Variants in SGF29 observed in about 807,000 individuals in gnomAD.
The protein encoded by SGF29 is SAGA-associated factor 29.
Under a neutral mutation model 38.1 loss-of-function variants are expected in SGF29, and 15 were observed. The ratio of observed to expected loss-of-function variants is 0.39; its 90% CI spans 0.26 to 0.61. The LOEUF (loss-of-function observed/expected upper bound fraction) is 0.61, where lower values mean the gene tolerates loss of function less well. Among genes scored for constraint, SGF29 ranks in the 20% least tolerant of loss-of-function variants. The pLI is 0.49. For synonymous variants in SGF29, 151 were observed against 160.8 expected (o/e 0.94, Z 0.46); for missense variants, 184 against 394.6 (o/e 0.47, Z 4.52).
At chr16:28,573,513 G>A (rs1272279202) in intron 1 of SGF29, among the ~76,000 whole-genome samples, 2 of 152,168 alleles carry the variant, frequency 1.3e-5, no homozygotes, top group African/African-American at 4.8e-5. Context: ...AAGAAGTTTT[G>A]CCGTGAAGAG....
At position 28,585,729 on chromosome 16, in the gene SGF29, C is replaced by T. The variant is rs761679781; in HGVS notation, c.224+9C>T. The T allele has an allele frequency of 5.0e-6, 8 of 1,613,260 alleles. No individual in the cohort carries two copies. The highest frequency in any genetic ancestry group is 1.1e-5 in the South Asian group (1 of 91,070). ...GCAGAGGCTGAGTGCAAGTGAGTAC[C>T]GTGCACCCACTTCATCGCCGCTCCC... On this transcript the variant is annotated intron_variant, in intron 4 of 9. Transcript: ENST00000317058.
chr16:28,586,040 G>A (rs1414858001), intron 4 of SGF29, among the ~76,000 whole-genome samples: 1 of 152,220 alleles, frequency 6.6e-6, no homozygotes, highest in Non-Finnish European at 1.5e-5. Context: ...ACATTACAGA[G>A]GTGATTGGGA....
At chr16:28,579,411 C>G (rs1167350817) in intron 1 of SGF29, among the ~76,000 whole-genome samples, 1 of 151,406 alleles carries the variant, frequency 6.6e-6, no homozygotes, top group Non-Finnish European at 1.5e-5. Flanking sequence ...GTGCCCACCA[C>G]CATGCCCAGC....
intron 1 of SGF29, among the ~76,000 whole-genome samples, chr16:28,563,756 T>C (rs1374754465): frequency 7.1e-6 from 1 of 139,936 alleles, no homozygotes; most frequent in Admixed American, 7.7e-5. Context: ...AGTCTTGCTC[T>C]GTCACCCAGG....
chr16:28,564,777 A>ATATGTATATATATG (rs1464271605), intron 1 of SGF29, among the ~76,000 whole-genome samples: 10,142 of 84,538 alleles, frequency 0.12, 1,571 homozygotes, highest in Non-Finnish European at 0.2. Context: ...ATATATGTAT[A>ATATGTATATATATG]TATATATATA....
At chr16:28,568,948 C>T (rs755337540) in intron 1 of SGF29, among the ~76,000 whole-genome samples, 6 of 151,158 alleles carry the variant, frequency 4.0e-5, no homozygotes, top group Non-Finnish European at 7.4e-5. Context: ...ATTAGACGGG[C>T]GTGGTGGCGT....
In SGF29 at chr16:28,570,072, C is replaced by G. The variant is rs1043642091; in HGVS notation, c.-15-10983C>G. Among the ~76,000 whole-genome samples, 27 of 152,290 alleles carry G rather than the reference C, an allele frequency of 1.8e-4. No individual in the cohort carries two copies. The East Asian group carries it at 3.7e-3, about 21-fold the overall frequency. On this transcript the variant is annotated intron_variant, in intron 1 of 9. Coordinates refer to ENST00000317058, the MANE Select transcript of SGF29 (RefSeq NM_138414.3). ...CAGAAAGTCCCCATTAGGGCATTGC[C>G]TAGCAGAGCTATGGGGGTAGGGTTG...
chr16:28,589,072 C>T, intron 4 of SGF29, 28 bp from the exon 5 acceptor site: 1 of 1,613,446 alleles, frequency 6.2e-7, no homozygotes, highest in Non-Finnish European at 8.5e-7. Context: ...TTAACCAAAC[C>T]CTCTTTCTCC....
At chr16:28,558,038 G>A (rs2046763691) in intron 1 of SGF29, among the ~76,000 whole-genome samples, 1 of 137,454 alleles carries the variant, frequency 7.3e-6, no homozygotes, top group Non-Finnish European at 1.5e-5. Flanking sequence ...TTGAACTCCA[G>A]GCCTCAAGAG....
At chr16:28,573,729 G>A (rs928209186) in intron 1 of SGF29, among the ~76,000 whole-genome samples, 8 of 152,304 alleles carry the variant, frequency 5.3e-5, no homozygotes, top group African/African-American at 1.7e-4. Flanking sequence ...TACAGAGCTT[G>A]TAGTTTTGAT....
intron 1 of SGF29, among the ~76,000 whole-genome samples, chr16:28,557,884 TC>T (rs2046762282): frequency 6.6e-6 from 1 of 151,680 alleles, no homozygotes; most frequent in South Asian, 2.1e-4. Context: ...AGCTGAAGAG[TC>T]CTGGAGTAAA....
chr16:28,565,592 G>T (rs1460165044), intron 1 of SGF29, among the ~76,000 whole-genome samples: 1 of 152,044 alleles, frequency 6.6e-6, no homozygotes, highest in South Asian at 2.1e-4. Context: ...CCTCCTCCTG[G>T]GTTCATGCAG....
chr16:28,585,792 C>G, intron 4 of SGF29, 72 bp downstream of exon 4: 1 of 1,408,310 alleles, frequency 7.1e-7, no homozygotes, highest in African/African-American at 1.4e-5. Context: ...CCATTTGGAC[C>G]AAGTCCCCAG....
At chr16:28,565,206 GA>G (rs1462981635) in intron 1 of SGF29, among the ~76,000 whole-genome samples, 2 of 152,244 alleles carry the variant, frequency 1.3e-5, no homozygotes, top group East Asian at 1.9e-4. Flanking sequence ...CCATATGGAG[GA>G]TGGGTCTTCC....
intron 1 of SGF29, among the ~76,000 whole-genome samples, chr16:28,559,110 A>G (rs2046770175): frequency 6.6e-6 from 1 of 152,182 alleles, no homozygotes; most frequent in Non-Finnish European, 1.5e-5. Context: ...GCTTGAGCCC[A>G]GTAGTTTGAG....
At chr16:28,560,253 A>G (rs2046778658) in intron 1 of SGF29, among the ~76,000 whole-genome samples, 1 of 151,312 alleles carries the variant, frequency 6.6e-6, no homozygotes, top group Admixed American at 6.6e-5. Context: ...ATTTTAAAAT[A>G]TATTTTTACA....
chr16:28,563,158 CAG>C lies in SGF29; in HGVS notation c.-16+9062_-16+9063del, dbSNP rs763448718. 9.2e-5 allele frequency among the ~76,000 whole-genome samples: 14 copies of C among 152,098 alleles called. No homozygotes were observed. In the East Asian group the frequency reaches 9.7e-4, roughly 10 times the overall value. On this transcript the variant is annotated intron_variant, in intron 1 of 9. Coordinates refer to ENST00000317058, the MANE Select transcript of SGF29 (RefSeq NM_138414.3). ...GGGGAAAAAGGGAGATAATTGGAAA[CAG>C]GGGTGACCAGAGTGCTCTGGGGAGG...
chr16:28,578,305 C>T (rs2046906426), intron 1 of SGF29, among the ~76,000 whole-genome samples: 2 of 152,174 alleles, frequency 1.3e-5, no homozygotes, highest in South Asian at 2.1e-4. Flanking sequence ...GTACTTCTTC[C>T]TTTCCAATGT....
At chr16:28,576,857 C>T (rs2046897313) in intron 1 of SGF29, among the ~76,000 whole-genome samples, 1 of 151,684 alleles carries the variant, frequency 6.6e-6, no homozygotes, top group Non-Finnish European at 1.5e-5. Flanking sequence ...TGGAGTTATT[C>T]AGCAATAAAA....
Sources: gnomAD v4.1 joint callset for allele counts (sites outside exome capture counted in the v4.1 genomes callset) on GRCh38, gnomAD v4.1.1 for gene constraint, MANE v1.5 for transcripts, NCBI Gene and HGNC (gene_info 2026-07-23, HGNC 2026-07-21) for gene names.